Variants in ST3GAL3 observed in about 807,000 individuals in gnomAD.
The protein encoded by ST3GAL3 is CMP-N-acetylneuraminate-beta-1,4-galactoside alpha-2,3-sialyltransferase.
ST3GAL3 carries 21 observed loss-of-function variants against 50.1 expected under a neutral mutation model. The ratio of observed to expected loss-of-function variants is 0.42; its 90% confidence interval spans 0.30 to 0.60. The LOEUF (loss-of-function observed/expected upper bound fraction) is 0.60, where lower values mean the gene tolerates loss of function less well. Among genes scored for constraint, ST3GAL3 ranks in the 20% least tolerant of loss-of-function variants. The pLI is 0.19. For synonymous variants in ST3GAL3, 183 were observed against 190.0 expected, an observed-to-expected ratio of 0.96 and a Z score of 0.30; for missense variants, 353 against 489.4, an observed-to-expected ratio of 0.72 and a Z score of 2.63.
In ST3GAL3 at chr1:43,930,414, A is replaced by C; in HGVS notation, c.*193A>C. 1 of 645,822 alleles carries C rather than the reference A, an allele frequency of 1.5e-6. No homozygotes were observed. The highest frequency in any genetic ancestry group is 1.7e-5 in the South Asian group (1 of 57,916). 40.0% of individuals were successfully genotyped at this position (645,822 alleles called of 1,614,324 possible). On this transcript the variant is annotated 3_prime_UTR_variant, in exon 12 of 12. Coordinates refer to ENST00000347631, the MANE Select transcript of ST3GAL3 (RefSeq NM_006279.5). ...AGACCAGCACTCAGCCTCATTCAGCATGGGTCCTTGATGCCAGAGGGCCAG... is the reference window on the plus strand; with the variant it reads ...AGACCAGCACTCAGCCTCATTCAGCCTGGGTCCTTGATGCCAGAGGGCCAG...
intron 5 of ST3GAL3, among the ~76,000 whole-genome samples, chr1:43,863,540 G>A (rs149275178): frequency 0.011 from 1,736 of 152,298 alleles, 16 homozygotes; most frequent in Middle Eastern, 0.034. Context: ...ACATTTCTTC[G>A]CACAAGTCAC....
intron 1 of ST3GAL3, among the ~76,000 whole-genome samples, chr1:43,718,185 C>CTTTTTTTTTTTTTTTT (rs57506461): frequency 1.2e-5 from 1 of 83,378 alleles, no homozygotes; most frequent in Non-Finnish European, 2.2e-5. Context: ...ATCATTAAAT[C>CTTTTTTTTTTTTTTTT]TTTTTTTTTT....
intron 4 of ST3GAL3, among the ~76,000 whole-genome samples, chr1:43,832,561 G>A (rs1227136884): frequency 6.6e-6 from 1 of 152,180 alleles, no homozygotes; most frequent in African/African-American, 2.4e-5. Flanking sequence ...GGTAGATGAT[G>A]AAACTGGTGA....
chr1:43,917,975 G>A (rs2082353835), intron 9 of ST3GAL3, among the ~76,000 whole-genome samples: 1 of 147,324 alleles, frequency 6.8e-6, no homozygotes, highest in African/African-American at 2.5e-5. Flanking sequence ...GCCTTATTTT[G>A]CGTATATTTT....
intron 9 of ST3GAL3, among the ~76,000 whole-genome samples, chr1:43,909,236 C>T (rs1355780246): frequency 6.6e-6 from 1 of 152,218 alleles, no homozygotes. Flanking sequence ...CTCAGTCAGG[C>T]TCTTTCCTCT....
At chr1:43,760,747 C>T (rs1689995845) in intron 2 of ST3GAL3, among the ~76,000 whole-genome samples, 1 of 151,274 alleles carries the variant, frequency 6.6e-6, no homozygotes, top group Non-Finnish European at 1.5e-5. Flanking sequence ...CACAGCAAGG[C>T]TCCGTCTCAA....
chr1:43,919,749 G>C (rs1259542237), intron 9 of ST3GAL3: 2 of 154,208 alleles, frequency 1.3e-5, no homozygotes, highest in Non-Finnish European at 2.9e-5. Flanking sequence ...ATGGACACTG[G>C]GATGTCGGAT....
intron 9 of ST3GAL3, among the ~76,000 whole-genome samples, chr1:43,900,089 C>T (rs182354615): frequency 2.5e-4 from 38 of 152,200 alleles, no homozygotes; most frequent in African/African-American, 8.9e-4. Flanking sequence ...CGTATCACTC[C>T]CAATCTTTCT....
rs12066109 is a variant in ST3GAL3, at chr1:43,856,731, C to T, written c.302+18420C>T. On this transcript the variant is annotated intron_variant, in intron 5 of 11. Transcript: ENST00000347631. ...GCCCACCAATTTTTTTTCATATATTCCTTAGCGTCAGGTGTTGGGACCTCC... is the reference window on the plus strand; with the variant it reads ...GCCCACCAATTTTTTTTCATATATTTCTTAGCGTCAGGTGTTGGGACCTCC... Among the ~76,000 whole-genome samples, 1,196 of 152,168 alleles carry T rather than the reference C, an allele frequency of 7.9e-3. 19 individuals carry two copies. Among genetic ancestry groups the T allele is most frequent in the African/African-American group, 0.026 (1,093 of 41,518 alleles).
intron 5 of ST3GAL3, among the ~76,000 whole-genome samples, chr1:43,873,597 T>C (rs934771056): frequency 1.3e-5 from 2 of 151,926 alleles, no homozygotes; most frequent in Non-Finnish European, 2.9e-5. Flanking sequence ...CCATCCTGGC[T>C]AACATGGCAG....
intron 4 of ST3GAL3, 52 bp from the exon 5 acceptor site, chr1:43,838,167 C>A: frequency 8.9e-7 from 1 of 1,122,106 alleles, no homozygotes; most frequent in South Asian, 1.2e-5. Flanking sequence ...AATTAATAAC[C>A]CACTCAGTGC....
chr1:43,727,912 G>A (rs1673726557), intron 1 of ST3GAL3, among the ~76,000 whole-genome samples: 1 of 152,004 alleles, frequency 6.6e-6, no homozygotes, highest in African/African-American at 2.4e-5. Context: ...ACATGTTCAG[G>A]TTTGTTACAT....
In ST3GAL3 at chr1:43,920,830, T is replaced by C; in HGVS notation, c.940T>C (p.Cys314Arg). 6.2e-7 allele frequency: 1 copy of C among 1,614,166 alleles called. No individual in the cohort carries two copies. Among genetic ancestry groups the C allele is most frequent in the Non-Finnish European group, 8.5e-7 (1 of 1,180,026 alleles). ...SVAVTMALHG[C>R]DEVAVAGFGY... ...GGCAGTGACCATGGCACTACACGGC[T>C]GTGACGAGGTGGCAGTCGCAGGATT... Residue 314 changes from cysteine to arginine, a missense_variant, in exon 11 of 12, where the codon TGT (cysteine) becomes CGT (arginine). By Grantham distance (180) the Cys-to-Arg change is radical. Transcript: ENST00000347631.
At chr1:43,809,377 G>A (rs1263736088) in intron 3 of ST3GAL3, among the ~76,000 whole-genome samples, 3 of 152,148 alleles carry the variant, frequency 2.0e-5, no homozygotes, top group Non-Finnish European at 4.4e-5. Context: ...TAGTGAACTA[G>A]AAGATATAGC....
intron 3 of ST3GAL3, among the ~76,000 whole-genome samples, chr1:43,810,997 C>G (rs1010727468): frequency 1.3e-5 from 2 of 152,118 alleles, no homozygotes; most frequent in African/African-American, 4.8e-5. Flanking sequence ...CTAACTTCCC[C>G]TGAGTTAGTG....
chr1:43,717,378 G>T (rs1667895059), intron 1 of ST3GAL3, among the ~76,000 whole-genome samples: 1 of 151,846 alleles, frequency 6.6e-6, no homozygotes, highest in African/African-American at 2.4e-5. Context: ...TTTCCTTTCT[G>T]AAAAAATACA....
intron 1 of ST3GAL3, among the ~76,000 whole-genome samples, chr1:43,721,547 G>T (rs1008359124): frequency 6.6e-6 from 1 of 151,468 alleles, no homozygotes; most frequent in Admixed American, 6.6e-5. Flanking sequence ...CAGGTGATCC[G>T]CCCGCCTCAG....
At chr1:43,904,193 C>T (rs1396747275) in intron 9 of ST3GAL3, among the ~76,000 whole-genome samples, 1 of 152,170 alleles carries the variant, frequency 6.6e-6, no homozygotes, top group East Asian at 1.9e-4. Context: ...AGGGCTGGAC[C>T]GTAGGGCAGA....
intron 2 of ST3GAL3, among the ~76,000 whole-genome samples, chr1:43,747,526 C>T (rs114874629): frequency 0.011 from 1,663 of 150,204 alleles, 32 homozygotes; most frequent in African/African-American, 0.036. Context: ...ACGTGTTCAA[C>T]GGTCTGGGAA....
Sources: allele counts gnomAD v4.1 joint callset (sites outside exome capture counted in the v4.1 genomes callset), GRCh38; gene constraint gnomAD v4.1.1; transcripts MANE v1.5; gene names NCBI Gene and HGNC (gene_info 2026-07-23, HGNC 2026-07-21).